NANS: variants seen among roughly 807,000 people sequenced by gnomAD.
The protein encoded by NANS is N-acetylneuraminate synthase.
A neutral mutation model predicts 33.3 loss-of-function variants in NANS; 29 were observed. That is an observed-to-expected ratio of 0.87 (90% confidence interval 0.65 to 1.19). NANS has a LOEUF of 1.19. NANS is among the 50% of genes most tolerant of loss of function. The probability of loss-of-function intolerance (pLI) is 0.00; values close to 1 mark genes in which losing one functional copy is unlikely to be tolerated. For missense variants in NANS, 394 were observed against 461.1 expected, an observed-to-expected ratio of 0.85 and a Z score of 1.33; for synonymous variants, 163 against 177.2, an observed-to-expected ratio of 0.92 and a Z score of 0.64.
intron 2 of NANS, among the ~76,000 whole-genome samples, chr9:98,062,792 T>G (rs1336696583): frequency 1.3e-5 from 2 of 150,510 alleles, no homozygotes; most frequent in Non-Finnish European, 3.0e-5. Flanking sequence ...TTTTTTTTTT[T>G]TTTTTGAGAC....
At chr9:98,060,668 C>A in intron 1 of NANS, 114 bp from the exon 2 acceptor site, 1 of 1,050,176 alleles carries the variant, frequency 9.5e-7, no homozygotes, top group South Asian at 1.5e-5. Context: ...GAAACTCTGT[C>A]TCTAAATAAA....
chr9:98,061,055 G>C (rs1828960274), intron 2 of NANS, 58 bp downstream of exon 2: 2 of 1,560,810 alleles, frequency 1.3e-6, no homozygotes, highest in Non-Finnish European at 1.8e-6. Context: ...TCAGCAGGCA[G>C]CCTGGTGACT....
intron 2 of NANS, among the ~76,000 whole-genome samples, chr9:98,063,600 G>A (rs779875417): frequency 6.6e-6 from 1 of 151,538 alleles, no homozygotes; most frequent in African/African-American, 2.4e-5. Flanking sequence ...GGAGTGCAAC[G>A]ATGCAATCAT....
At chr9:98,081,460 T>G (rs1829858226) in intron 5 of NANS, 1 of 195,200 alleles carries the variant, frequency 5.1e-6, no homozygotes, top group South Asian at 1.1e-4. Context: ...GAGAAACATT[T>G]AGGCACGGTG....
intron 2 of NANS, chr9:98,075,812 G>A (rs950147733): frequency 6.6e-6 from 1 of 152,132 alleles, no homozygotes; most frequent in African/African-American, 2.4e-5. Context: ...ATTACATTAT[G>A]TGCAGTTTTT....
chr9:98,072,285 A>C (rs1829372029), intron 2 of NANS, among the ~76,000 whole-genome samples: 1 of 152,132 alleles, frequency 6.6e-6, no homozygotes, highest in Non-Finnish European at 1.5e-5. Context: ...CTGTTCTGTG[A>C]CTCAGAACCC....
chr9:98,083,020 T>G lies in NANS; in HGVS notation c.1045T>G (p.Leu349Val), dbSNP rs34342219. 7.4e-6 allele frequency: 12 copies of G among 1,613,952 alleles called. No homozygotes were observed. In the African/African-American group the frequency reaches 1.6e-4, roughly 22 times the overall value. ...AGAGGATGACACCATCATGGAAGAA[T>G]TGGTAGATAATCATGGCAAAAAAAT... ...VEEDDTIMEE[L>V]VDNHGKKIKS The change falls in exon 6 of 6, where the codon TTG (leucine) becomes GTG (valine). Residue 349 changes from leucine (L) to valine (V), a missense_variant. Physicochemically the swap from Leu to Val is conservative, Grantham distance 32. Coordinates refer to ENST00000210444, the MANE Select transcript of NANS (RefSeq NM_018946.4).
Position 98,076,907 on chromosome 9 carries a change from G to T in NANS, c.349-11G>T. On this transcript the variant is annotated splice_polypyrimidine_tract_variant and intron_variant, in intron 2 of 5. Transcript: ENST00000210444. ...AATGGTGAAAAGGAGCTCCCTCTTT[G>T]ATTTTTGTAGATGGCAGTTGAATTC... The T allele has an allele frequency of 6.2e-7, 1 of 1,605,194 alleles. No individual in the cohort carries two copies.
intron 2 of NANS, chr9:98,075,225 G>C (rs1829529047): frequency 6.6e-6 from 1 of 152,024 alleles, no homozygotes; most frequent in Non-Finnish European, 1.5e-5. Context: ...TGAGGCAGGA[G>C]GATTGCTTGA....
chr9:98,061,026 C>A, intron 2 of NANS, 29 bp downstream of exon 2: 2 of 1,608,262 alleles, frequency 1.2e-6, no homozygotes, highest in South Asian at 2.2e-5. Flanking sequence ...TGTCATTTGT[C>A]ACTTTAGCAG....
At chr9:98,072,478 C>G (rs1433922591) in intron 2 of NANS, among the ~76,000 whole-genome samples, 1 of 150,974 alleles carries the variant, frequency 6.6e-6, no homozygotes, top group Non-Finnish European at 1.5e-5. Context: ...GTTGCGCAAT[C>G]TCTGCTCACT....
chr9:98,074,058 T>C (rs558718445), intron 2 of NANS, among the ~76,000 whole-genome samples: 1 of 152,308 alleles, frequency 6.6e-6, no homozygotes, highest in South Asian at 2.1e-4. Context: ...AGTGCTGGGA[T>C]TACAGGCATG....
intron 1 of NANS, among the ~76,000 whole-genome samples, chr9:98,059,239 G>A (rs576488558): frequency 6.6e-6 from 1 of 152,014 alleles, no homozygotes; most frequent in Non-Finnish European, 1.5e-5. Context: ...TAGCCAGGAT[G>A]GTCTCGATCT....
chr9:98,064,090 G>A (rs1165174640), intron 2 of NANS, among the ~76,000 whole-genome samples: 1 of 152,172 alleles, frequency 6.6e-6, no homozygotes, highest in Non-Finnish European at 1.5e-5. Flanking sequence ...GCTCAGGCCA[G>A]AGGTAATGGG....
In NANS at chr9:98,059,628, T is replaced by C. The variant is rs144177728; in HGVS notation, c.133-1154T>C. On this transcript the variant is annotated intron_variant, in intron 1 of 5. Transcript: ENST00000210444. ...CAGGGTCTTACTATGTTGCCGAGGC[T>C]GGTCTTGAACTCCTTGGTTCAAGCA... Among the ~76,000 whole-genome samples, 376 of 152,282 alleles carry C rather than the reference T, an allele frequency of 2.5e-3. 3 individuals are homozygous for C. Among genetic ancestry groups the C allele is most frequent in the African/African-American group, 8.6e-3 (358 of 41,568 alleles).
chr9:98,065,359 C>A (rs776067756), intron 2 of NANS, among the ~76,000 whole-genome samples: 25 of 131,130 alleles, frequency 1.9e-4, no homozygotes, highest in Non-Finnish European at 3.4e-4. Context: ...GTTGCCCAGG[C>A]TGGAGTGCAA....
intron 2 of NANS, among the ~76,000 whole-genome samples, chr9:98,067,490 A>G (rs1057363305): frequency 6.6e-6 from 1 of 152,178 alleles, no homozygotes; most frequent in Non-Finnish European, 1.5e-5. Flanking sequence ...TCTCTGATGC[A>G]TCTTTTCATG....
chr9:98,068,313 A>T (rs1401198753), intron 2 of NANS, among the ~76,000 whole-genome samples: 1 of 151,006 alleles, frequency 6.6e-6, no homozygotes, highest in African/African-American at 2.4e-5. Flanking sequence ...TTTTTTTTGT[A>T]TCTCTTGGTA....
chr9:98,063,320 C>T (rs887613768), intron 2 of NANS, among the ~76,000 whole-genome samples: 6 of 152,138 alleles, frequency 3.9e-5, no homozygotes, highest in African/African-American at 1.4e-4. Context: ...CAGCTCACTG[C>T]AACCTCTGCC....
Sources: allele counts gnomAD v4.1 joint callset (sites outside exome capture counted in the v4.1 genomes callset), GRCh38; gene constraint gnomAD v4.1.1; transcripts MANE v1.5; gene names NCBI Gene and HGNC (gene_info 2026-07-23, HGNC 2026-07-21).